Variants in OR5H6 observed in about 807,000 individuals in gnomAD.
OR5H6 encodes olfactory receptor 5H6.
For synonymous variants in OR5H6, 151 were observed against 127.7 expected, an observed-to-expected ratio of 1.18 and a Z score of -1.23; for missense variants, 429 against 358.1, an observed-to-expected ratio of 1.20 and a Z score of -1.60.
In OR5H6 at chr3:98,265,096, T is replaced by A; in HGVS notation, c.764T>A (p.Leu255His). Residue 255 changes from leucine (L) to histidine (H), a missense_variant, in exon 1 of 1, where the codon CTC (leucine) becomes CAC (histidine). Leu to His is a moderately conservative substitution (Grantham distance 99, BLOSUM62 -3). Coordinates refer to ENST00000615035, the MANE Select transcript of OR5H6 (RefSeq NM_001005479.2). ...TCTGTATCTTTATACTATGGCCCCC[T>A]CACCTTCAAATATCTGGGCTCTGCA... ...LLSVSLYYGPLTFKYLGSASP... is the reference protein window; with the variant it reads ...LLSVSLYYGPHTFKYLGSASP... The A allele has an allele frequency of 6.2e-7, 1 of 1,612,948 alleles. No individual in the cohort carries two copies. Among genetic ancestry groups the A allele is most frequent in the Non-Finnish European group, 8.5e-7 (1 of 1,179,484 alleles).
Position 98,264,670 on chromosome 3 carries a change from T to C in OR5H6, c.338T>C (p.Phe113Ser). 6.2e-7 allele frequency: 1 copy of C among 1,613,190 alleles called. No homozygotes were observed. The highest frequency in any genetic ancestry group is 8.5e-7 in the Non-Finnish European group (1 of 1,179,250). The stretch of plus-strand genomic sequence containing the variant: ...GTAACCACTGTAACCACAGAATGTT[T>C]TCTCTTGGCAACAATGGCATATGAT... ...SLVTTVTTEC[F>S]LLATMAYDRY... The change falls in exon 1 of 1, where the codon TTT becomes TCT. Residue 113 changes from phenylalanine (F) to serine (S), a missense_variant. By Grantham distance (155) the Phe-to-Ser change is radical. Coordinates refer to ENST00000615035, the MANE Select transcript of OR5H6 (RefSeq NM_001005479.2).
chr3:98,264,696 C>T lies in OR5H6; in HGVS notation c.364C>T (p.Arg122Cys), dbSNP rs757207926. The change falls in exon 1 of 1, where the codon CGC becomes TGC. Residue 122 changes from arginine (R) to cysteine (C), a missense_variant. Coordinates refer to ENST00000615035, the MANE Select transcript of OR5H6 (RefSeq NM_001005479.2). ...TCTCTTGGCAACAATGGCATATGAT[C>T]GCTATGTAGCCATTTGCAAAGCTTT... is the stretch of plus-strand genomic sequence containing the variant. ...CFLLATMAYD[R>C]YVAICKALLY... 9 of 1,612,978 alleles carry T rather than the reference C, an allele frequency of 5.6e-6. No individual in the cohort carries two copies. The highest frequency in any genetic ancestry group is 1.6e-4 in the Middle Eastern group (1 of 6,074).
In OR5H6 at chr3:98,264,838, G is replaced by A; in HGVS notation, c.506G>A (p.Cys169Tyr). 6.2e-7 allele frequency: 1 copy of A among 1,610,644 alleles called. No homozygotes were observed. The highest frequency in any genetic ancestry group is 8.5e-7 in the Non-Finnish European group (1 of 1,178,522). Residue 169 changes from cysteine to tyrosine, a missense_variant, in exon 1 of 1, where the codon TGT becomes TAT. Transcript: ENST00000615035. ...GCTTTTTCATTCAGATTAACCTTCT[G>A]TAATTCCAACATAATACAACACTTT... ...HEAFSFRLTFCNSNIIQHFYC... is the reference protein window; with the variant it reads ...HEAFSFRLTFYNSNIIQHFYC...
At position 98,264,688 on chromosome 3, in the gene OR5H6, C is replaced by T. The variant is rs753933902; in HGVS notation, c.356C>T (p.Ala119Val). ...TTECFLLATMAYDRYVAICKA... is the reference protein window; with the variant it reads ...TTECFLLATMVYDRYVAICKA... ...GAATGTTTTCTCTTGGCAACAATGG[C>T]ATATGATCGCTATGTAGCCATTTGC... The change falls in exon 1 of 1, where the codon GCA becomes GTA. Residue 119 changes from alanine (A) to valine (V), a missense_variant. Coordinates refer to ENST00000615035, the MANE Select transcript of OR5H6 (RefSeq NM_001005479.2). 3.7e-6 allele frequency: 6 copies of T among 1,613,044 alleles called. No individual in the cohort carries two copies. The highest frequency in any genetic ancestry group is 5.1e-6 in the Non-Finnish European group (6 of 1,179,256).
Position 98,264,270 on chromosome 3 carries a change from A to G in OR5H6, c.-63A>G. ...AACACCTCTTCCCCAATTTCAACTC[A>G]CAATTCCATTGCAAATGTTCCTTTA... On this transcript the variant is annotated 5_prime_UTR_variant, in exon 1 of 1. Transcript: ENST00000615035. 1 of 1,597,360 alleles carries G rather than the reference A, an allele frequency of 6.3e-7. No homozygotes were observed. The highest frequency in any genetic ancestry group is 2.2e-5 in the East Asian group (1 of 44,716).
At position 98,264,416 on chromosome 3, in the gene OR5H6, C is replaced by G. The variant is rs980681057; in HGVS notation, c.84C>G (p.Phe28Leu). Residue 28 changes from phenylalanine to leucine, a missense_variant, in exon 1 of 1, where the codon TTC (phenylalanine) becomes TTG (leucine). Physicochemically the swap from Phe to Leu is conservative, Grantham distance 22. Coordinates refer to ENST00000615035, the MANE Select transcript of OR5H6 (RefSeq NM_001005479.2). ...AACCTGACTGTAAAATACCGCTCTT[C>G]CTGGCATTCTTGGTAATATATCTCA... ...LHQPDCKIPLFLAFLVIYLIT... is the reference protein window; with the variant it reads ...LHQPDCKIPLLLAFLVIYLIT... The G allele has an allele frequency of 6.8e-6, 11 of 1,612,700 alleles. No individual in the cohort carries two copies. In the Admixed American group the frequency reaches 1.2e-4, roughly 17 times the overall value.
rs1395671774 is a variant in OR5H6 at position 98,264,853 on chromosome 3, T to C, written c.521T>C (p.Ile174Thr). 6.2e-7 allele frequency: 1 copy of C among 1,610,850 alleles called. No individual in the cohort carries two copies. The highest frequency in any genetic ancestry group is 2.2e-5 in the East Asian group (1 of 44,836). ...FRLTFCNSNI[I>T]QHFYCDIIPL... ...TTAACCTTCTGTAATTCCAACATAA[T>C]ACAACACTTTTACTGTGACATTATC... is the stretch of plus-strand genomic sequence containing the variant. Residue 174 changes from isoleucine (I) to threonine (T), a missense_variant, in exon 1 of 1, where the codon ATA (isoleucine) becomes ACA (threonine). Coordinates refer to ENST00000615035, the MANE Select transcript of OR5H6 (RefSeq NM_001005479.2).
In OR5H6 at chr3:98,264,558, A is replaced by G; in HGVS notation, c.226A>G (p.Thr76Ala). ...LAFVDASLSS[T>A]VTPKMLINFL... The stretch of plus-strand genomic sequence containing the variant: ...CTTTGTGGATGCTTCGTTATCATCC[A>G]CAGTGACTCCGAAGATGCTGATCAA... The change falls in exon 1 of 1, where the codon ACA (threonine) becomes GCA (alanine). Residue 76 changes from threonine (T) to alanine (A), a missense_variant. Coordinates refer to ENST00000615035, the MANE Select transcript of OR5H6 (RefSeq NM_001005479.2). 2.5e-6 allele frequency: 4 copies of G among 1,612,772 alleles called. No homozygotes were observed. The highest frequency in any genetic ancestry group is 3.4e-6 in the Non-Finnish European group (4 of 1,178,914).
rs754582066 is a variant in OR5H6, at chr3:98,264,735, A to G, written c.403A>G (p.Ile135Val). Residue 135 changes from isoleucine (I) to valine (V), a missense_variant, in exon 1 of 1, where the codon ATT becomes GTT. Coordinates refer to ENST00000615035, the MANE Select transcript of OR5H6 (RefSeq NM_001005479.2). ...AICKALLYPV[I>V]MTNELCIQLL... ...TTGCAAAGCTTTACTTTATCCAGTC[A>G]TTATGACCAATGAACTATGCATTCA... 25 of 1,613,362 alleles carry G rather than the reference A, an allele frequency of 1.5e-5. No individual in the cohort carries two copies. Among genetic ancestry groups the G allele is most frequent in the Non-Finnish European group, 1.5e-5 (18 of 1,179,426 alleles).
Position 98,264,485 on chromosome 3 carries a change from A to G in OR5H6, c.153A>G (p.Lys51=), listed in dbSNP as rs1349654197. Residue 51 remains lysine (K), a synonymous_variant, in exon 1 of 1, where the codon AAA becomes AAG. Coordinates refer to ENST00000615035, the MANE Select transcript of OR5H6 (RefSeq NM_001005479.2). ...GNLGLIVLIW[K]DPHLHIPMYL... is the part of the protein sequence containing the mutation. ...TTGGTCTAATTGTTCTCATCTGGAAAGACCCTCACCTTCATATCCCAATGT... is the reference window on the plus strand; with the variant it reads ...TTGGTCTAATTGTTCTCATCTGGAAGGACCCTCACCTTCATATCCCAATGT... The G allele has an allele frequency of 2.5e-6, 4 of 1,612,864 alleles. No homozygotes were observed. Among genetic ancestry groups the G allele is most frequent in the Non-Finnish European group, 2.5e-6 (3 of 1,178,974 alleles).
chr3:98,264,839 T>A lies in OR5H6; in HGVS notation c.507T>A (p.Cys169Ter). ...CTTTTTCATTCAGATTAACCTTCTG[T>A]AATTCCAACATAATACAACACTTTT... ...HEAFSFRLTF[C>*]NSNIIQHFYC... Residue 169 changes from cysteine (C) to a stop codon, truncating the protein, a stop_gained, in exon 1 of 1, where the codon TGT becomes TGA. Transcript: ENST00000615035. LOFTEE classifies it low-confidence loss of function (END_TRUNC). 3.1e-6 allele frequency: 5 copies of A among 1,610,706 alleles called. No homozygotes were observed. Among genetic ancestry groups the A allele is most frequent in the African/African-American group, 1.3e-5 (1 of 74,710 alleles).
At position 98,265,298 on chromosome 3, in the gene OR5H6, T is replaced by G. The variant is rs780534700; in HGVS notation, c.*36T>G. ...ATCTCTCTTCTCTATTTACTAAAAT[T>G]GTCCCAAGATTGTGCAAGTTAGAGG... On this transcript the variant is annotated 3_prime_UTR_variant, in exon 1 of 1. Coordinates refer to ENST00000615035, the MANE Select transcript of OR5H6 (RefSeq NM_001005479.2). 7.2e-6 allele frequency: 11 copies of G among 1,526,708 alleles called. No individual in the cohort carries two copies. The Admixed American group carries it at 1.8e-4, about 24-fold the overall frequency. 94.6% of individuals were successfully genotyped at this position (1,526,708 alleles called of 1,614,324 possible). A position where few individuals can be genotyped will look rare whatever the true frequency, so the allele number is the denominator to read the frequency against.
In OR5H6 at chr3:98,264,426, T is replaced by C. The variant is rs139123149; in HGVS notation, c.94T>C (p.Leu32=). 1.6e-4 allele frequency: 254 copies of C among 1,612,674 alleles called. No homozygotes were observed. Among genetic ancestry groups the C allele is most frequent in the Middle Eastern group, 1.6e-4 (1 of 6,076 alleles). Residue 32 remains leucine, a synonymous_variant, in exon 1 of 1, where the codon TTG becomes CTG. Transcript: ENST00000615035. ...DCKIPLFLAF[L]VIYLITIMGN... ...TAAAATACCGCTCTTCCTGGCATTC[T>C]TGGTAATATATCTCATCACCATCAT...
At position 98,264,820 on chromosome 3, in the gene OR5H6, C is replaced by CTTTTTTTTTT; in HGVS notation, c.488_489insTTTTTTTTTT (p.Arg165PhefsTer9). The CTTTTTTTTTT allele has an allele frequency of 6.2e-7, 1 of 1,609,708 alleles. No homozygotes were observed. Among genetic ancestry groups the CTTTTTTTTTT allele is most frequent in the Non-Finnish European group, 8.5e-7 (1 of 1,178,378 alleles). On this transcript the variant is annotated frameshift_variant, in exon 1 of 1. Transcript: ENST00000615035. LOFTEE classifies it low-confidence loss of function (END_TRUNC). ...CATGCTTTAATCCATGAAGCTTTTTCATTCAGATTAACCTTCTGTAATTCC... is the reference window on the plus strand; with the variant it reads ...CATGCTTTAATCCATGAAGCTTTTTCTTTTTTTTTTATTCAGATTAACCTTCTGTAATTCC...
rs1705882091 is a variant in OR5H6, at chr3:98,265,353, A to G, written c.*91A>G. 3 of 1,360,432 alleles carry G rather than the reference A, an allele frequency of 2.2e-6. No homozygotes were observed. In the African/African-American group the frequency reaches 4.4e-5, roughly 20 times the overall value. 84.3% of individuals were successfully genotyped at this position (1,360,432 alleles called of 1,614,324 possible). A position where few individuals can be genotyped will look rare whatever the true frequency, so the allele number is the denominator to read the frequency against. On this transcript the variant is annotated 3_prime_UTR_variant, in exon 1 of 1. Coordinates refer to ENST00000615035, the MANE Select transcript of OR5H6 (RefSeq NM_001005479.2). ...TATGTCTTGCCAGCATTCAAAGATGATGCAAAGTCCTAGCACTTTAATGGC... is the reference window on the plus strand; with the variant it reads ...TATGTCTTGCCAGCATTCAAAGATGGTGCAAAGTCCTAGCACTTTAATGGC...
Position 98,265,175 on chromosome 3 carries a change from A to C in OR5H6, c.843A>C (p.Ile281=), listed in dbSNP as rs201216141. 43 of 1,611,868 alleles carry C rather than the reference A, an allele frequency of 2.7e-5. No homozygotes were observed. The highest frequency in any genetic ancestry group is 2.3e-4 in the Admixed American group (14 of 59,736). ...DMMESLFYTV[I]VPLLNPMIYS... is the part of the protein sequence containing the mutation. ...TGGAGTCTCTATTTTACACTGTCAT[A>C]GTTCCTTTATTAAATCCCATGATCT... Residue 281 remains isoleucine (I), a synonymous_variant, in exon 1 of 1, where the codon ATA becomes ATC. Transcript: ENST00000615035.
At position 98,265,356 on chromosome 3, in the gene OR5H6, C is replaced by G. The variant is rs1020404088; in HGVS notation, c.*94C>G. The G allele has an allele frequency of 1.5e-6, 2 of 1,333,286 alleles. No homozygotes were observed. The highest frequency in any genetic ancestry group is 2.0e-6 in the Non-Finnish European group (2 of 982,792). 82.6% of individuals were successfully genotyped at this position (1,333,286 alleles called of 1,614,324 possible). ...GTCTTGCCAGCATTCAAAGATGATG[C>G]AAAGTCCTAGCACTTTAATGGCCTA... On this transcript the variant is annotated 3_prime_UTR_variant, in exon 1 of 1. Coordinates refer to ENST00000615035, the MANE Select transcript of OR5H6 (RefSeq NM_001005479.2).
At position 98,265,227 on chromosome 3, in the gene OR5H6, G is replaced by A. The variant is rs1376410526; in HGVS notation, c.895G>A (p.Ala299Thr). 1 of 1,589,572 alleles carries A rather than the reference G, an allele frequency of 6.3e-7. No homozygotes were observed. The highest frequency in any genetic ancestry group is 2.2e-5 in the East Asian group (1 of 44,752). The stretch of plus-strand genomic sequence containing the variant: ...CAGCCTGAGAAACAAGCAAGTAATA[G>A]CTTCATTCACAAAAATGTTCAAAAG... ...IYSLRNKQVI[A>T]SFTKMFKSNV The change falls in exon 1 of 1, where the codon GCT becomes ACT. Residue 299 changes from alanine to threonine, a missense_variant. Coordinates refer to ENST00000615035, the MANE Select transcript of OR5H6 (RefSeq NM_001005479.2).
Position 98,264,927 on chromosome 3 carries a change from G to T in OR5H6, c.595G>T (p.Val199Phe). 2.5e-6 allele frequency: 4 copies of T among 1,607,284 alleles called. No individual in the cohort carries two copies. Among genetic ancestry groups the T allele is most frequent in the Non-Finnish European group, 3.4e-6 (4 of 1,177,624 alleles). ...CTDSSINFLM[V>F]FIFAGSVQVF... is the part of the protein sequence containing the mutation. ...TGATTCCTCTATTAACTTTCTAATG[G>T]TTTTTATTTTCGCAGGTTCTGTTCA... Residue 199 changes from valine to phenylalanine, a missense_variant, in exon 1 of 1, where the codon GTT becomes TTT. By Grantham distance (50) the Val-to-Phe change is conservative. Transcript: ENST00000615035.
Sources: gnomAD v4.1 joint callset for allele counts on GRCh38, gnomAD v4.1.1 for gene constraint, MANE v1.5 for transcripts, NCBI Gene and HGNC (gene_info 2026-07-23, HGNC 2026-07-21) for gene names.